FREM2: variants seen among roughly 807,000 people sequenced by gnomAD.
FREM2 encodes FRAS1 related extracellular matrix 2, also known as FRAS1-related extracellular matrix protein 2.
Under a neutral mutation model 219.9 loss-of-function variants are expected in FREM2, and 119 were observed. The ratio of observed to expected loss-of-function variants is 0.54; its 90% CI spans 0.47 to 0.63. FREM2 has a LOEUF of 0.63. Among genes scored for constraint, FREM2 ranks in the 30% least tolerant of loss-of-function variants. FREM2 has a pLI of 0.00. For synonymous variants in FREM2, 1,562 were observed against 1,522.8 expected (o/e 1.03, Z -0.60); for missense variants, 4,030 against 3,993.6 (o/e 1.01, Z -0.25).
rs1325522852 is a variant in FREM2 at position 38,687,741 on chromosome 13, C to T, written c.397C>T (p.Pro133Ser). ...SPKRFPCDFGPGEVRYSHLGA... is the reference protein window; with the variant it reads ...SPKRFPCDFGSGEVRYSHLGA... Reference sequence around the variant, plus strand: ...CAAGCGCTTCCCGTGCGACTTTGGCCCTGGCGAGGTGCGCTACTCTCACCT... The same window carrying T: ...CAAGCGCTTCCCGTGCGACTTTGGCTCTGGCGAGGTGCGCTACTCTCACCT... Residue 133 changes from proline to serine, a missense_variant, in exon 1 of 24, where the codon CCT becomes TCT. Physicochemically the swap from Pro to Ser is moderately conservative, Grantham distance 74. This residue lies in a region of FREM2 where 3,102 missense variants were observed against 2,950.7 expected (regional missense o/e 1.05). Transcript: ENST00000280481. 1 of 1,544,970 alleles carries T rather than the reference C, an allele frequency of 6.5e-7. No individual in the cohort carries two copies. Among genetic ancestry groups the T allele is most frequent in the African/African-American group, 1.4e-5 (1 of 73,342 alleles).
At chr13:38,695,715 A>G (rs1870081647) in intron 1 of FREM2, among the ~76,000 whole-genome samples, 1 of 152,194 alleles carries the variant, frequency 6.6e-6, no homozygotes, top group Non-Finnish European at 1.5e-5. Context: ...AGTGAAGGTT[A>G]TACAATTAAG....
rs1566165981 is a variant in FREM2, at chr13:38,850,109, C to T, written c.6451C>T (p.His2151Tyr). The change falls in exon 9 of 24, where the codon CAT becomes TAT. Residue 2151 changes from histidine (H) to tyrosine (Y), a missense_variant. His to Tyr is a moderately conservative substitution (Grantham distance 83). This residue lies in a region of FREM2 where 3,102 missense variants were observed against 2,950.7 expected (regional missense o/e 1.05). Transcript: ENST00000280481. ...TGATGGGCAGATAGTTACAATGATCCATAGGACTGGGGATGTCCAGTACAG... is the reference window on the plus strand; with the variant it reads ...TGATGGGCAGATAGTTACAATGATCTATAGGACTGGGGATGTCCAGTACAG... ...ESDGQIVTMIHRTGDVQYRSS... is the reference protein window; with the variant it reads ...ESDGQIVTMIYRTGDVQYRSS... The T allele has an allele frequency of 3.7e-6, 6 of 1,613,732 alleles. No individual in the cohort carries two copies. The African/African-American group carries it at 5.3e-5, about 14-fold the overall frequency.
At chr13:38,763,495 G>T (rs375238106) in intron 2 of FREM2, among the ~76,000 whole-genome samples, 33 of 47,364 alleles carry the variant, frequency 7.0e-4, no homozygotes, top group African/African-American at 2.0e-3. Flanking sequence ...CTTTCAGAAA[G>T]ACTTAAAAGG....
chr13:38,724,428 G>A (rs1593367199), intron 2 of FREM2, among the ~76,000 whole-genome samples: 1 of 151,980 alleles, frequency 6.6e-6, no homozygotes, highest in East Asian at 1.9e-4. Context: ...CCAGGGATGT[G>A]GTATTAGATT....
At position 38,878,127 on chromosome 13, in the gene FREM2, A is replaced by G. The variant is rs189384081; in HGVS notation, c.8672-7A>G. ...ACAGAAATAACATTTCCACATCTCTATTTCAGGTGATATAATTTATGGTCG... is the reference window on the plus strand; with the variant it reads ...ACAGAAATAACATTTCCACATCTCTGTTTCAGGTGATATAATTTATGGTCG... On this transcript the variant is annotated splice_polypyrimidine_tract_variant and splice_region_variant and intron_variant, in intron 21 of 23. Transcript: ENST00000280481. 7.1e-5 allele frequency: 114 copies of G among 1,609,404 alleles called. No homozygotes were observed. In the East Asian group the frequency reaches 2.5e-3, roughly 35 times the overall value.
Position 38,848,003 on chromosome 13 carries a change from C to T in FREM2, c.6170-458C>T, listed in dbSNP as rs553977614. Among the ~76,000 whole-genome samples, 56 of 152,244 alleles carry T rather than the reference C, an allele frequency of 3.7e-4. No individual in the cohort carries two copies. In the South Asian group the frequency reaches 4.8e-3, roughly 13 times the overall value. Reference sequence around the variant, plus strand: ...ATGTGTTGCTTTAACTAACAGGCAACCACATACCTGAGTAGGATGTTCTAC... The same window carrying T: ...ATGTGTTGCTTTAACTAACAGGCAATCACATACCTGAGTAGGATGTTCTAC... On this transcript the variant is annotated intron_variant, in intron 7 of 23. Transcript: ENST00000280481.
At chr13:38,826,344 G>C (rs78064643) in intron 6 of FREM2, among the ~76,000 whole-genome samples, 1,538 of 152,202 alleles carry the variant, frequency 0.01, 32 homozygotes, top group African/African-American at 0.035. Context: ...TTTCGTAAGT[G>C]ACTGAGAGGG....
Position 38,859,403 on chromosome 13 carries a change from C to T in FREM2, c.7332C>T (p.Asp2444=), listed in dbSNP as rs773197293. 9.7e-5 allele frequency: 157 copies of T among 1,614,072 alleles called. No homozygotes were observed. Among genetic ancestry groups the T allele is most frequent in the Non-Finnish European group, 1.2e-4 (142 of 1,180,040 alleles). ...TGATTAGTGCACCTGCGGGCCCTGA[C>T]GGTGTGACCAGCCCTATGAGAGAAG... is the stretch of plus-strand genomic sequence containing the variant. ...RWLISAPAGP[D]GVTSPMREVD... Residue 2444 remains aspartate, a synonymous_variant, in exon 14 of 24, where the codon GAC becomes GAT. Transcript: ENST00000280481.
chr13:38,781,291 ATTAC>A (rs1323523911), intron 4 of FREM2, among the ~76,000 whole-genome samples: 1 of 152,058 alleles, frequency 6.6e-6, no homozygotes, highest in Admixed American at 6.5e-5. Context: ...GGGACATTTT[ATTAC>A]TACCTTCCAA....
Position 38,689,168 on chromosome 13 carries a change from G to T in FREM2, c.1824G>T (p.Gly608=), listed in dbSNP as rs762144113. The T allele has an allele frequency of 1.2e-5, 20 of 1,613,992 alleles. No homozygotes were observed. The highest frequency in any genetic ancestry group is 1.0e-4 in the Admixed American group (6 of 60,024). ...FVLESPFLTT[G]HLLLRQTHPP... is the part of the protein sequence containing the mutation. ...TGGAGTCACCCTTCTTAACTACGGGGCATCTGCTTCTCCGCCAAACTCACC... is the reference window on the plus strand; with the variant it reads ...TGGAGTCACCCTTCTTAACTACGGGTCATCTGCTTCTCCGCCAAACTCACC... The change falls in exon 1 of 24, where the codon GGG becomes GGT. Residue 608 remains glycine (G), a synonymous_variant. Coordinates refer to ENST00000280481, the MANE Select transcript of FREM2 (RefSeq NM_207361.6).
At chr13:38,790,767 C>T (rs552874172) in intron 6 of FREM2, among the ~76,000 whole-genome samples, 89 of 152,306 alleles carry the variant, frequency 5.8e-4, no homozygotes, top group Non-Finnish European at 1.1e-3. Flanking sequence ...GACAAATGCT[C>T]TTAAAAGCTT....
chr13:38,751,896 G>GTGTGTGTT (rs1555265076), intron 2 of FREM2, among the ~76,000 whole-genome samples: 4 of 100,202 alleles, frequency 4.0e-5, no homozygotes, highest in African/African-American at 1.9e-4. Context: ...GTGTGTGTGT[G>GTGTGTGTT]TTTTCCTTTT....
intron 6 of FREM2, among the ~76,000 whole-genome samples, chr13:38,840,236 G>C (rs1265852778): frequency 6.6e-6 from 1 of 151,948 alleles, no homozygotes; most frequent in African/African-American, 2.4e-5. Flanking sequence ...GCACTTACCA[G>C]GTGAGGCAAC....
chr13:38,805,031 T>G (rs1875169164), intron 6 of FREM2, among the ~76,000 whole-genome samples: 2 of 152,134 alleles, frequency 1.3e-5, no homozygotes, highest in African/African-American at 4.8e-5. Flanking sequence ...TGGCATGTTT[T>G]TTGAGTAACA....
At chr13:38,826,575 G>T (rs1876296989) in intron 6 of FREM2, among the ~76,000 whole-genome samples, 1 of 152,064 alleles carries the variant, frequency 6.6e-6, no homozygotes, top group Non-Finnish European at 1.5e-5. Context: ...GCGTGTTCAG[G>T]TGTCAGTTGT....
chr13:38,788,100 C>T (rs7338450), intron 6 of FREM2, among the ~76,000 whole-genome samples: 77,794 of 151,990 alleles, frequency 0.51, 21,874 homozygotes, highest in Non-Finnish European at 0.64. Flanking sequence ...TCCTGGCACT[C>T]ATTTAGAGGG....
Position 38,746,685 on chromosome 13 carries a change from A to G in FREM2, c.5264-17619A>G, listed in dbSNP as rs76206128. On this transcript the variant is annotated intron_variant, in intron 2 of 23. Transcript: ENST00000280481. ...TTTTTAGGCTGAATAACTAATAAAAAGCCGCTCTATACCTGACCAATGGCA... is the reference window on the plus strand; with the variant it reads ...TTTTTAGGCTGAATAACTAATAAAAGGCCGCTCTATACCTGACCAATGGCA... Among the ~76,000 whole-genome samples the G allele has an allele frequency of 1.1e-3, 175 of 152,328 alleles. 3 individuals are homozygous for G. In the East Asian group the frequency reaches 0.022, roughly 19 times the overall value.
Position 38,713,111 on chromosome 13 carries a change from A to G in FREM2, c.5263+15324A>G, listed in dbSNP as rs117004056. On this transcript the variant is annotated intron_variant, in intron 2 of 23. Coordinates refer to ENST00000280481, the MANE Select transcript of FREM2 (RefSeq NM_207361.6). ...AGCACCCTAGTAGCCTGAGTTACTGAATTATTATTCCAGTACTTTTCTAAG... is the reference window on the plus strand; with the variant it reads ...AGCACCCTAGTAGCCTGAGTTACTGGATTATTATTCCAGTACTTTTCTAAG... Among the ~76,000 whole-genome samples, 1,121 of 152,250 alleles carry G rather than the reference A, an allele frequency of 7.4e-3. 10 individuals are homozygous for G. Among genetic ancestry groups the G allele is most frequent in the Non-Finnish European group, 0.012 (842 of 68,016 alleles).
At chr13:38,787,729 T>C (rs1401309027) in intron 6 of FREM2, among the ~76,000 whole-genome samples, 1 of 149,820 alleles carries the variant, frequency 6.7e-6, no homozygotes, top group African/African-American at 2.4e-5. Context: ...TTAAGTTTAT[T>C]ATTGTTATTT....
Sources: gnomAD v4.1 joint callset for allele counts (sites outside exome capture counted in the v4.1 genomes callset) on GRCh38, gnomAD v4.1.1 for gene constraint, gnomAD v4.1.1 regional missense constraint, MANE v1.5 for transcripts, NCBI Gene and HGNC (gene_info 2026-07-23, HGNC 2026-07-21) for gene names.